Variants in GRIP1 observed in about 807,000 individuals in gnomAD.
GRIP1 encodes glutamate receptor-interacting protein 1.
Under a neutral mutation model 129.9 loss-of-function variants are expected in GRIP1, and 45 were observed. That is an observed-to-expected ratio of 0.35 (90% CI 0.27 to 0.44). GRIP1 has a LOEUF of 0.44. Ranked by LOEUF, GRIP1 falls within the 20% of genes least tolerant of loss-of-function variation. The pLI is 1.00. For synonymous variants in GRIP1, 530 were observed against 520.8 expected, an observed-to-expected ratio of 1.02 and a Z score of -0.24; for missense variants, 1,196 against 1,396.8, an observed-to-expected ratio of 0.86 and a Z score of 2.29.
At chr12:66,966,993 C>T (rs542306648) in intron 1 of GRIP1, among the ~76,000 whole-genome samples, 1 of 152,266 alleles carries the variant, frequency 6.6e-6, no homozygotes, top group African/African-American at 2.4e-5. Context: ...ACTGCTTCTT[C>T]TCCTCCATTT....
intron 22 of GRIP1, among the ~76,000 whole-genome samples, chr12:66,372,913 A>G (rs2055590648): frequency 6.6e-6 from 1 of 152,164 alleles, no homozygotes; most frequent in South Asian, 2.1e-4. Flanking sequence ...TCTTCCTGAT[A>G]CCATGGGGAC....
At chr12:66,991,205 A>G (rs990803889) in intron 1 of GRIP1, among the ~76,000 whole-genome samples, 14 of 152,116 alleles carry the variant, frequency 9.2e-5, no homozygotes, top group African/African-American at 3.1e-4. Context: ...CCCGGGAGGC[A>G]GAGCTTGCAG....
chr12:66,360,741 G>A (rs926091239), intron 23 of GRIP1, among the ~76,000 whole-genome samples: 5 of 152,156 alleles, frequency 3.3e-5, no homozygotes, highest in African/African-American at 7.2e-5. Flanking sequence ...TCAGAAACCC[G>A]ATGCTTATGT....
At chr12:66,727,519 C>G (rs925347462) in intron 1 of GRIP1, among the ~76,000 whole-genome samples, 13 of 152,156 alleles carry the variant, frequency 8.5e-5, no homozygotes, top group African/African-American at 2.9e-4. Context: ...CAAAGCTGCC[C>G]CAGTCATCCC....
intron 1 of GRIP1, among the ~76,000 whole-genome samples, chr12:66,675,472 C>T (rs2034283590): frequency 6.6e-6 from 1 of 152,056 alleles, no homozygotes; most frequent in African/African-American, 2.4e-5. Flanking sequence ...ACAATCATGA[C>T]AAGAGAAAAA....
At chr12:66,424,314 T>G in intron 14 of GRIP1, among the ~76,000 whole-genome samples, 1 of 152,338 alleles carries the variant, frequency 6.6e-6, no homozygotes, top group South Asian at 2.1e-4. Flanking sequence ...AAAATGTATT[T>G]TCTTTGTACC....
In GRIP1 at chr12:66,456,224, G is replaced by A. The variant is rs1267708018; in HGVS notation, c.1161C>T (p.Ala387=). The A allele has an allele frequency of 7.8e-7, 1 of 1,289,486 alleles. No individual in the cohort carries two copies. Among genetic ancestry groups the A allele is most frequent in the African/African-American group, 1.5e-5 (1 of 65,812 alleles). 79.9% of individuals were successfully genotyped at this position (1,289,486 alleles called of 1,614,324 possible). ...TYHPDHCRVP[A]LTFPKAPPPN... ...GAGGAGGTGCTTTCGGGAATGTCAG[G>A]GCTGGTACTCTGCAATGGTCAGGGT... Residue 387 remains alanine (A), a synonymous_variant, in exon 10 of 25, where the codon GCC becomes GCT. Transcript: ENST00000359742.
chr12:66,970,480 G>C (rs987154135), intron 1 of GRIP1, among the ~76,000 whole-genome samples: 1 of 151,680 alleles, frequency 6.6e-6, no homozygotes, highest in African/African-American at 2.4e-5. Flanking sequence ...GTCTAAGATT[G>C]GGTTGTATAT....
At chr12:66,860,800 T>C (rs1462027455) in intron 1 of GRIP1, among the ~76,000 whole-genome samples, 1 of 152,104 alleles carries the variant, frequency 6.6e-6, no homozygotes. Flanking sequence ...GATACTCCCT[T>C]TTTTATAAGC....
intron 1 of GRIP1, among the ~76,000 whole-genome samples, chr12:66,877,873 A>T (rs2040408720): frequency 6.6e-6 from 1 of 152,110 alleles, no homozygotes; most frequent in Admixed American, 6.6e-5. Context: ...CAATGGATGG[A>T]AAATGAAAGA....
chr12:66,678,157 T>C (rs1407055178), intron 1 of GRIP1, among the ~76,000 whole-genome samples: 1 of 152,132 alleles, frequency 6.6e-6, no homozygotes, highest in Non-Finnish European at 1.5e-5. Flanking sequence ...TCCAGAATGG[T>C]TTCAAATAAA....
intron 1 of GRIP1, among the ~76,000 whole-genome samples, chr12:66,658,537 T>G (rs2136181521): frequency 6.6e-6 from 1 of 151,254 alleles, no homozygotes; most frequent in South Asian, 2.1e-4. Flanking sequence ...GCCAAGATCG[T>G]GCCACTGCAC....
At chr12:66,496,125 C>T (rs1275720061) in intron 7 of GRIP1, among the ~76,000 whole-genome samples, 1 of 152,044 alleles carries the variant, frequency 6.6e-6, no homozygotes, top group Admixed American at 6.5e-5. Flanking sequence ...TTAAATGTGC[C>T]AGAAGGAAAG....
intron 1 of GRIP1, among the ~76,000 whole-genome samples, chr12:66,793,307 A>G (rs78030105): frequency 3.3e-4 from 51 of 152,284 alleles, no homozygotes; most frequent in African/African-American, 1.2e-3. Flanking sequence ...CTCTTGTACT[A>G]CGTTGCTGAG....
At chr12:66,351,627 C>T (rs2054229685) in intron 24 of GRIP1, among the ~76,000 whole-genome samples, 1 of 149,072 alleles carries the variant, frequency 6.7e-6, no homozygotes, top group Non-Finnish European at 1.5e-5. Flanking sequence ...TCTCGGCTCA[C>T]TGCAACCTCT....
At position 66,888,675 on chromosome 12, in the gene GRIP1, T is replaced by C. The variant is rs190161271; in HGVS notation, c.58+180375A>G. Among the ~76,000 whole-genome samples, 518 of 152,312 alleles carry C rather than the reference T, an allele frequency of 3.4e-3. 1 individual carries two copies. The highest frequency in any genetic ancestry group is 9.5e-3 in the South Asian group (46 of 4,832). ...ACCTTGCCCTGCCAGAACTGACATT[T>C]TTAAAGCCTGTTTAGGTTACAGGAA... On this transcript the variant is annotated intron_variant, in intron 1 of 1. Transcript: ENST00000643019.
At chr12:66,541,515 G>T (rs2061780434) in intron 3 of GRIP1, among the ~76,000 whole-genome samples, 1 of 152,144 alleles carries the variant, frequency 6.6e-6, no homozygotes, top group South Asian at 2.1e-4. Context: ...CTGCTGTTCA[G>T]TGGCACATTT....
intron 23 of GRIP1, among the ~76,000 whole-genome samples, chr12:66,358,210 A>C (rs191907255): frequency 1.3e-5 from 2 of 152,056 alleles, no homozygotes; most frequent in Non-Finnish European, 2.9e-5. Flanking sequence ...AACGCATTTC[A>C]ATCAGTTGCA....
chr12:66,428,630 C>G (rs943202712), intron 14 of GRIP1, among the ~76,000 whole-genome samples: 1 of 152,144 alleles, frequency 6.6e-6, no homozygotes, highest in African/African-American at 2.4e-5. Context: ...TGGATCCCTG[C>G]TTCACTTTTT....
Sources: gnomAD v4.1 joint callset for allele counts (sites outside exome capture counted in the v4.1 genomes callset) on GRCh38, gnomAD v4.1.1 for gene constraint, MANE v1.5 for transcripts, NCBI Gene and HGNC (gene_info 2026-07-23, HGNC 2026-07-21) for gene names.